The following CAPZA1 variants were observed in gnomAD, a reference collection of about 807,000 sequenced individuals.
CAPZA1 encodes the protein F-actin-capping protein subunit alpha-1.
Under a neutral mutation model 40.8 loss-of-function variants are expected in CAPZA1, and 10 were observed. That is an observed-to-expected ratio of 0.25 (90% CI 0.15 to 0.42). CAPZA1 has a LOEUF of 0.42. Ranked by LOEUF, CAPZA1 falls within the 10% of genes least tolerant of loss-of-function variation. CAPZA1 has a pLI of 1.00. For synonymous variants in CAPZA1, 98 were observed against 115.0 expected, an observed-to-expected ratio of 0.85 and a Z score of 0.95; for missense variants, 277 against 353.8, an observed-to-expected ratio of 0.78 and a Z score of 1.74.
At chr1:112,650,445 A>G (rs1197879300) in intron 3 of CAPZA1, among the ~76,000 whole-genome samples, 1 of 152,190 alleles carries the variant, frequency 6.6e-6, no homozygotes, top group South Asian at 2.1e-4. Context: ...CTAGGCTCAC[A>G]TCGGAGATAT....
intron 3 of CAPZA1, among the ~76,000 whole-genome samples, chr1:112,651,450 G>A (rs1170739944): frequency 6.6e-6 from 1 of 152,178 alleles, no homozygotes; most frequent in African/African-American, 2.4e-5. Context: ...TAGCAGTGGG[G>A]GTGGTGGGAA....
intron 1 of CAPZA1, chr1:112,626,342 C>T (rs1435150439): frequency 6.6e-6 from 1 of 151,764 alleles, no homozygotes; most frequent in Non-Finnish European, 1.5e-5. Context: ...ACGTGTAATC[C>T]CAATACTTTG....
intron 8 of CAPZA1, among the ~76,000 whole-genome samples, chr1:112,668,005 G>A (rs747294568): frequency 2.0e-5 from 3 of 152,000 alleles, no homozygotes; most frequent in Non-Finnish European, 4.4e-5. Context: ...AGAAGTGTGG[G>A]CCGGGAGTGG....
In CAPZA1 at chr1:112,670,110, G is replaced by A; in HGVS notation, c.839G>A (p.Gly280Asp). 6.2e-7 allele frequency: 1 copy of A among 1,613,928 alleles called. No homozygotes were observed. The highest frequency in any genetic ancestry group is 8.5e-7 in the Non-Finnish European group (1 of 1,179,846). The change falls in exon 10 of 10, where the codon GGC becomes GAC. Residue 280 changes from glycine to aspartate, a missense_variant. By Grantham distance (94) the Gly-to-Asp change is moderately conservative. Coordinates refer to ENST00000263168, the MANE Select transcript of CAPZA1 (RefSeq NM_006135.3). ...DWNKILSYKI[G>D]KEMQNA ...AACAAGATACTCAGCTACAAGATTG[G>A]CAAAGAAATGCAGAATGCTTAAAGG...
intron 3 of CAPZA1, 114 bp downstream of exon 3, chr1:112,649,583 G>A: frequency 1.2e-6 from 1 of 854,444 alleles, no homozygotes; most frequent in Non-Finnish European, 1.9e-6. Flanking sequence ...TAAAGCAGTT[G>A]GTTTTAGCAA....
chr1:112,657,918 G>A (rs1671530707), intron 5 of CAPZA1, among the ~76,000 whole-genome samples: 1 of 152,074 alleles, frequency 6.6e-6, no homozygotes, highest in African/African-American at 2.4e-5. Flanking sequence ...TCTATACTAA[G>A]TTCTTTTTTT....
At chr1:112,654,156 A>G (rs1041055303) in intron 4 of CAPZA1, among the ~76,000 whole-genome samples, 6 of 152,190 alleles carry the variant, frequency 3.9e-5, no homozygotes, top group African/African-American at 1.4e-4. Context: ...AAATATGTGA[A>G]AAAAATACAA....
intron 3 of CAPZA1, among the ~76,000 whole-genome samples, chr1:112,651,899 T>C (rs1257030914): frequency 1.3e-5 from 2 of 151,936 alleles, no homozygotes; most frequent in Non-Finnish European, 2.9e-5. Context: ...GTGGATCACC[T>C]GAGGTCAGGA....
At chr1:112,620,600 A>T (rs1221273639) in intron 1 of CAPZA1, 1 of 152,136 alleles carries the variant, frequency 6.6e-6, no homozygotes, top group Admixed American at 6.5e-5. Flanking sequence ...TAGCTGATGG[A>T]TTTTCTTAAC....
chr1:112,662,954 CT>C (rs1280508559), intron 7 of CAPZA1, among the ~76,000 whole-genome samples: 2 of 151,842 alleles, frequency 1.3e-5, no homozygotes, highest in African/African-American at 4.8e-5. Context: ...TAATTCCCCC[CT>C]GCCCCCTTTT....
intron 1 of CAPZA1, among the ~76,000 whole-genome samples, chr1:112,641,093 G>A (rs989350483): frequency 6.6e-6 from 1 of 152,076 alleles, no homozygotes; most frequent in Non-Finnish European, 1.5e-5. Context: ...GCGGAAGGCC[G>A]CAGGGTCCTC....
intron 1 of CAPZA1, among the ~76,000 whole-genome samples, chr1:112,624,124 T>C (rs2101134951): frequency 6.6e-6 from 1 of 152,226 alleles, no homozygotes; most frequent in Admixed American, 6.5e-5. Flanking sequence ...TTTATCATAA[T>C]TTCTTCCAGA....
At chr1:112,667,190 T>G (rs749280976) in intron 8 of CAPZA1, 45 bp downstream of exon 8, 2 of 1,388,144 alleles carry the variant, frequency 1.4e-6, no homozygotes, top group African/African-American at 2.9e-5. Context: ...TGTCTCGTTT[T>G]TCTTTAAAAA....
At chr1:112,665,571 AAG>A in intron 7 of CAPZA1, among the ~76,000 whole-genome samples, 1 of 152,284 alleles carries the variant, frequency 6.6e-6, no homozygotes, top group Non-Finnish European at 1.5e-5. Flanking sequence ...TCTGGAGACT[AAG>A]AAGTCCAAGA....
chr1:112,649,424 G>A lies in CAPZA1; in HGVS notation c.110G>A (p.Arg37Gln), dbSNP rs1171333299. ...GEFNEVFNDVRLLLNNDNLLR... is the reference protein window; with the variant it reads ...GEFNEVFNDVQLLLNNDNLLR... ...TAACATTTTTCCTCCTCAGACGTTCGGCTACTACTTAATAATGACAATCTC... is the reference window on the plus strand; with the variant it reads ...TAACATTTTTCCTCCTCAGACGTTCAGCTACTACTTAATAATGACAATCTC... The change falls in exon 3 of 10, where the codon CGG (arginine) becomes CAG (glutamine). Residue 37 changes from arginine (R) to glutamine (Q), a missense_variant. Coordinates refer to ENST00000263168, the MANE Select transcript of CAPZA1 (RefSeq NM_006135.3). The A allele has an allele frequency of 1.9e-6, 3 of 1,612,084 alleles. No homozygotes were observed. Among genetic ancestry groups the A allele is most frequent in the Admixed American group, 3.3e-5 (2 of 59,840 alleles).
intron 1 of CAPZA1, among the ~76,000 whole-genome samples, chr1:112,634,532 G>C (rs1670980288): frequency 6.6e-6 from 1 of 152,100 alleles, no homozygotes; most frequent in Non-Finnish European, 1.5e-5. Flanking sequence ...GTAGTAATTT[G>C]ATAGTAATTT....
At chr1:112,621,089 A>T (rs926246109) in intron 1 of CAPZA1, among the ~76,000 whole-genome samples, 8 of 152,220 alleles carry the variant, frequency 5.3e-5, no homozygotes, top group African/African-American at 1.9e-4. Flanking sequence ...TGCCATTTTG[A>T]AATGTTTAAC....
chr1:112,667,232 A>G, intron 8 of CAPZA1, 87 bp downstream of exon 8: 1 of 928,812 alleles, frequency 1.1e-6, no homozygotes, highest in Non-Finnish European at 1.7e-6. Flanking sequence ...TGATTCTGCC[A>G]GTAGAAATTC....
At chr1:112,636,151 A>G (rs1671013204) in intron 1 of CAPZA1, among the ~76,000 whole-genome samples, 1 of 152,204 alleles carries the variant, frequency 6.6e-6, no homozygotes, top group Non-Finnish European at 1.5e-5. Context: ...ACATTTTCTT[A>G]AGATTCTTGC....
Sources: allele counts gnomAD v4.1 joint callset (sites outside exome capture counted in the v4.1 genomes callset), GRCh38; gene constraint gnomAD v4.1.1; transcripts MANE v1.5; gene names NCBI Gene and HGNC (gene_info 2026-07-23, HGNC 2026-07-21).